RUFY3: variants seen among roughly 807,000 people sequenced by gnomAD.
RUFY3 encodes the protein RUN and FYVE domain containing 3.
A neutral mutation model predicts 84.0 loss-of-function variants in RUFY3; 34 were observed. The observed-to-expected ratio is 0.40, with a 90% CI of 0.31 to 0.54. RUFY3 has a LOEUF of 0.54. RUFY3 is among the 20% of genes least tolerant of loss of function. The probability of loss-of-function intolerance (pLI) is 0.39; values close to 1 mark genes in which losing one functional copy is unlikely to be tolerated. For synonymous variants in RUFY3, 242 were observed against 252.9 expected (o/e 0.96, Z 0.41); for missense variants, 507 against 736.8 (o/e 0.69, Z 3.61).
At chr4:70,775,843 CAGG>C (rs1727849196) in intron 7 of RUFY3, among the ~76,000 whole-genome samples, 1 of 150,404 alleles carries the variant, frequency 6.6e-6, no homozygotes, top group South Asian at 2.1e-4. Flanking sequence ...GGGGCTGAGA[CAGG>C]AGGAGGATCA....
chr4:70,722,346 A>G lies in RUFY3; in HGVS notation c.-228A>G, dbSNP rs762339474. 3.2e-6 allele frequency: 4 copies of G among 1,249,040 alleles called. No individual in the cohort carries two copies. Among genetic ancestry groups the G allele is most frequent in the East Asian group, 6.0e-5 (2 of 33,194 alleles). 77.4% of individuals were successfully genotyped at this position (1,249,040 alleles called of 1,614,324 possible). On this transcript the variant is annotated 5_prime_UTR_variant, in exon 1 of 18. Transcript: ENST00000381006. ...CATCTTATTTTGCTATGTGGTAGGA[A>G]CTGTCTATAAGATAGTGTAGAATTG...
chr4:70,717,338 T>G (rs1448890990), upstream of RUFY3, among the ~76,000 whole-genome samples: 1 of 152,112 alleles, frequency 6.6e-6, no homozygotes, highest in Non-Finnish European at 1.5e-5. Flanking sequence ...ACCAAGTACA[T>G]AGTGGAAGCA....
intron 1 of RUFY3, among the ~76,000 whole-genome samples, chr4:70,756,241 G>A (rs981859958): frequency 3.3e-5 from 5 of 152,098 alleles, no homozygotes; most frequent in African/African-American, 1.2e-4. Context: ...CACTGCTCTA[G>A]TTCTACCCTT....
At chr4:70,786,034 C>T (rs770827359) in intron 10 of RUFY3, among the ~76,000 whole-genome samples, 11 of 152,078 alleles carry the variant, frequency 7.2e-5, no homozygotes, top group Non-Finnish European at 1.5e-4. Context: ...ATAAAGAAAG[C>T]ATGGTATATA....
intron 4 of RUFY3, among the ~76,000 whole-genome samples, chr4:70,766,656 A>G (rs1006142269): frequency 2.0e-5 from 3 of 152,172 alleles, no homozygotes; most frequent in Non-Finnish European, 4.4e-5. Flanking sequence ...TCCCCCCTGT[A>G]CAACCTCCCT....
intron 1 of RUFY3, among the ~76,000 whole-genome samples, chr4:70,705,622 C>T (rs1013078460): frequency 6.6e-6 from 1 of 152,192 alleles, no homozygotes; most frequent in Non-Finnish European, 1.5e-5. Flanking sequence ...GAGAAGCGGC[C>T]TGCCTGCCCC....
intron 10 of RUFY3, among the ~76,000 whole-genome samples, chr4:70,786,318 C>G (rs1388538619): frequency 6.6e-6 from 1 of 151,878 alleles, no homozygotes; most frequent in Non-Finnish European, 1.5e-5. Context: ...AGTTCTGGTC[C>G]TCTGTTGCAT....
chr4:70,800,613 G>A (rs1015929367), intron 15 of RUFY3, among the ~76,000 whole-genome samples: 4 of 152,222 alleles, frequency 2.6e-5, no homozygotes, highest in African/African-American at 7.2e-5. Context: ...GCTGGGCGCA[G>A]TGGCTCACGC....
intron 4 of RUFY3, among the ~76,000 whole-genome samples, chr4:70,766,652 CT>C (rs1400005840): frequency 4.6e-5 from 7 of 152,170 alleles, no homozygotes; most frequent in Admixed American, 2.0e-4. Context: ...CCCTTCCCCC[CT>C]GTACAACCTC....
chr4:70,798,186 AG>A (rs1437871594), intron 14 of RUFY3, among the ~76,000 whole-genome samples: 2 of 150,760 alleles, frequency 1.3e-5, no homozygotes, highest in African/African-American at 4.9e-5. Context: ...TGGGCAACAT[AG>A]GAAGACCTCA....
intron 1 of RUFY3, among the ~76,000 whole-genome samples, chr4:70,749,735 C>T (rs1055815834): frequency 1.3e-5 from 2 of 149,620 alleles, no homozygotes; most frequent in Non-Finnish European, 3.0e-5. Flanking sequence ...CTGTAGCTTA[C>T]ACTTTCCAGG....
At chr4:70,761,231 G>C (rs961337987) in intron 1 of RUFY3, among the ~76,000 whole-genome samples, 2 of 152,132 alleles carry the variant, frequency 1.3e-5, no homozygotes, top group African/African-American at 4.8e-5. Context: ...TCAGATCCAG[G>C]TCCAGATTCT....
At position 70,722,183 on chromosome 4, in the gene RUFY3, A is replaced by C. The variant is rs978119265; in HGVS notation, c.-391A>C. On this transcript the variant is annotated 5_prime_UTR_variant, in exon 1 of 18. Transcript: ENST00000381006. Reference sequence around the variant, plus strand: ...AAGGAGGAGGATTTTTCACTTACTCATATCGAGGCCAGATTTTTAAAGCCA... The same window carrying C: ...AAGGAGGAGGATTTTTCACTTACTCCTATCGAGGCCAGATTTTTAAAGCCA... 2 of 1,230,658 alleles carry C rather than the reference A, an allele frequency of 1.6e-6. No individual in the cohort carries two copies. The highest frequency in any genetic ancestry group is 3.2e-5 in the East Asian group (1 of 31,662). 76.2% of individuals were successfully genotyped at this position (1,230,658 alleles called of 1,614,324 possible).
In RUFY3 at chr4:70,726,781, G is replaced by A. The variant is rs114858536; in HGVS notation, c.178+4030G>A. Among the ~76,000 whole-genome samples the A allele has an allele frequency of 7.2e-3, 1,104 of 152,324 alleles. 14 individuals are homozygous for A. The highest frequency in any genetic ancestry group is 0.025 in the African/African-American group (1,047 of 41,570). ...AAGTCTGTACCCTAATTTACATTAA[G>A]AGTTGGAATCCTCACATGGAAAGGC... On this transcript the variant is annotated intron_variant, in intron 1 of 17. Coordinates refer to ENST00000381006, the MANE Select transcript of RUFY3 (RefSeq NM_001037442.4).
At position 70,764,562 on chromosome 4, in the gene RUFY3, G is replaced by A; in HGVS notation, c.558G>A (p.Lys186=). 1.2e-6 allele frequency: 2 copies of A among 1,607,230 alleles called. No homozygotes were observed. The highest frequency in any genetic ancestry group is 8.5e-7 in the Non-Finnish European group (1 of 1,174,548). The change falls in exon 4 of 18, where the codon AAG becomes AAA. Residue 186 remains lysine (K), a synonymous_variant. Coordinates refer to ENST00000381006, the MANE Select transcript of RUFY3 (RefSeq NM_001037442.4). The stretch of plus-strand genomic sequence containing the variant: ...AATATATGAAAGCTTTGATCAATAA[G>A]AAAGAACTTCTCAGGTATGAACACC... The part of the protein sequence containing the change: ...LSEYMKALIN[K]KELLSEFYEP...
intron 4 of RUFY3, among the ~76,000 whole-genome samples, chr4:70,767,654 G>A (rs1259321557): frequency 6.6e-6 from 1 of 151,834 alleles, no homozygotes; most frequent in Non-Finnish European, 1.5e-5. Flanking sequence ...TGCATTATAA[G>A]CAGTATTTAA....
chr4:70,717,984 G>A (rs1222800045), upstream of RUFY3, among the ~76,000 whole-genome samples: 1 of 143,402 alleles, frequency 7.0e-6, no homozygotes, highest in Non-Finnish European at 1.5e-5. Context: ...CCGGGTTCAC[G>A]CCATTCTCCT....
upstream of RUFY3, among the ~76,000 whole-genome samples, chr4:70,718,584 C>T (rs546676791): frequency 6.6e-6 from 1 of 152,186 alleles, no homozygotes; most frequent in African/African-American, 2.4e-5. Context: ...CAATACAGCT[C>T]ATACAGTAAT....
intron 10 of RUFY3, among the ~76,000 whole-genome samples, chr4:70,788,425 A>G (rs1355155401): frequency 6.6e-6 from 1 of 152,090 alleles, no homozygotes; most frequent in East Asian, 1.9e-4. Flanking sequence ...ATTTAGGAGG[A>G]CTGCAACTGC....
Sources: allele counts gnomAD v4.1 joint callset (sites outside exome capture counted in the v4.1 genomes callset), GRCh38; gene constraint gnomAD v4.1.1; transcripts MANE v1.5; gene names NCBI Gene and HGNC (gene_info 2026-07-23, HGNC 2026-07-21).